PLBD2: variants seen among roughly 807,000 people sequenced by gnomAD.
PLBD2 encodes putative aminopeptidase PLBD2.
A neutral mutation model predicts 68.3 loss-of-function variants in PLBD2; 51 were observed. That is an observed-to-expected ratio of 0.75 (90% CI 0.60 to 0.94). The LOEUF (loss-of-function observed/expected upper bound fraction) is 0.94. Among genes scored for constraint, PLBD2 ranks in the 40% least tolerant of loss-of-function variants. PLBD2 has a pLI of 0.00. For missense variants in PLBD2, 729 were observed against 792.2 expected, an observed-to-expected ratio of 0.92 and a Z score of 0.96; for synonymous variants, 314 against 339.3, an observed-to-expected ratio of 0.93 and a Z score of 0.82.
chr12:113,385,420 C>T, intron 9 of PLBD2, 137 bp downstream of exon 9: 1 of 796,262 alleles, frequency 1.3e-6, no homozygotes, highest in Non-Finnish European at 2.0e-6. Context: ...GCCAGGAGAG[C>T]CCAGACAGTT....
intron 5 of PLBD2, among the ~76,000 whole-genome samples, chr12:113,376,310 C>T (rs1009253474): frequency 1.3e-5 from 2 of 151,352 alleles, no homozygotes; most frequent in African/African-American, 2.4e-5. Context: ...ATTATAGGCG[C>T]GCACCACTGT....
intron 1 of PLBD2, among the ~76,000 whole-genome samples, chr12:113,361,150 G>GC (rs749229304): frequency 6.6e-6 from 1 of 151,880 alleles, no homozygotes; most frequent in Non-Finnish European, 1.5e-5. Context: ...ATCTGTGGGG[G>GC]ACTCTGTGTC....
At chr12:113,383,423 C>T (rs995521843) in intron 6 of PLBD2, among the ~76,000 whole-genome samples, 14 of 152,052 alleles carry the variant, frequency 9.2e-5, no homozygotes, top group South Asian at 2.1e-4. Context: ...GTGGGGAACA[C>T]GTGCCTCAAC....
At chr12:113,386,367 T>A (rs908093363) in intron 9 of PLBD2, among the ~76,000 whole-genome samples, 1 of 142,322 alleles carries the variant, frequency 7.0e-6, no homozygotes, top group Non-Finnish European at 1.5e-5. Context: ...TTTTTTTTTT[T>A]TTTTGAGACG....
intron 5 of PLBD2, among the ~76,000 whole-genome samples, chr12:113,380,378 G>T (rs999667859): frequency 1.3e-5 from 2 of 152,138 alleles, no homozygotes; most frequent in Non-Finnish European, 2.9e-5. Flanking sequence ...CTCGTGATCC[G>T]CCTGCCTTGG....
At chr12:113,386,221 C>T (rs1307045329) in intron 9 of PLBD2, among the ~76,000 whole-genome samples, 2 of 152,238 alleles carry the variant, frequency 1.3e-5, no homozygotes, top group African/African-American at 4.8e-5. Context: ...CAGAGTCTCG[C>T]TCTGTCACCC....
rs750323992 is a variant in PLBD2, at chr12:113,369,086, C to T, written c.291-30C>T. 2.6e-6 allele frequency: 4 copies of T among 1,523,218 alleles called. No individual in the cohort carries two copies. In the East Asian group the frequency reaches 9.5e-5, roughly 36 times the overall value. The allele number at this position is 1,523,218 out of a possible 1,614,324, so 94.4% of individuals were successfully genotyped here. A position where few individuals can be genotyped will look rare whatever the true frequency, so the allele number is the denominator to read the frequency against. Reference sequence around the variant, plus strand: ...TGTGTCTAGCTGGGGGCCTCTGCTGCTGACTGAGTGTCCCCTCCTTCCCCT... The same window carrying T: ...TGTGTCTAGCTGGGGGCCTCTGCTGTTGACTGAGTGTCCCCTCCTTCCCCT... On this transcript the variant is annotated intron_variant, in intron 1 of 11. Transcript: ENST00000280800.
chr12:113,377,863 C>A (rs1957448877), intron 5 of PLBD2, among the ~76,000 whole-genome samples: 1 of 152,320 alleles, frequency 6.6e-6, no homozygotes, highest in Non-Finnish European at 1.5e-5. Flanking sequence ...TAAAAACATA[C>A]TGTATAAGTC....
intron 1 of PLBD2, among the ~76,000 whole-genome samples, chr12:113,360,876 A>T (rs747492903): frequency 6.6e-6 from 1 of 152,032 alleles, no homozygotes; most frequent in African/African-American, 2.4e-5. Context: ...GGCTGGTCTC[A>T]AACTCCTGAC....
In PLBD2 at chr12:113,358,623, ACCCCGGCAGC is replaced by A; in HGVS notation, c.25_34del (p.Pro9ThrfsTer6). The stretch of plus-strand genomic sequence containing the variant: ...GTCATGGTGGGCCAGATGTACTGCT[ACCCCGGCAGC>A]CACCTGGCCCGGGCGCTGACGCGGG... On this transcript the variant is annotated frameshift_variant, in exon 1 of 12. Coordinates refer to ENST00000280800, the MANE Select transcript of PLBD2 (RefSeq NM_173542.4). LOFTEE classifies it high-confidence loss of function. 1 of 1,467,720 alleles carries A rather than the reference ACCCCGGCAGC, an allele frequency of 6.8e-7. No homozygotes were observed. The highest frequency in any genetic ancestry group is 1.3e-5 in the South Asian group (1 of 75,976). 90.9% of individuals were successfully genotyped at this position (1,467,720 alleles called of 1,614,324 possible).
At chr12:113,379,888 C>T (rs1261868135) in intron 5 of PLBD2, among the ~76,000 whole-genome samples, 1 of 152,084 alleles carries the variant, frequency 6.6e-6, no homozygotes. Context: ...TTAACACATA[C>T]ACATATACCC....
intron 6 of PLBD2, among the ~76,000 whole-genome samples, chr12:113,382,032 A>G (rs1318885944): frequency 6.6e-6 from 1 of 152,082 alleles, no homozygotes; most frequent in Non-Finnish European, 1.5e-5. Flanking sequence ...TATATTTCCC[A>G]GGCCAGTCTC....
Position 113,386,926 on chromosome 12 carries a change from G to A in PLBD2, c.1287-11G>A, listed in dbSNP as rs747678431. 3.0e-5 allele frequency: 48 copies of A among 1,612,558 alleles called. No homozygotes were observed. Among genetic ancestry groups the A allele is most frequent in the Non-Finnish European group, 3.8e-5 (45 of 1,179,506 alleles). On this transcript the variant is annotated splice_polypyrimidine_tract_variant and intron_variant, in intron 9 of 11. Transcript: ENST00000280800. Reference sequence around the variant, plus strand: ...GTGGGGGTCATGGGTGACCATCCTTGTCCCCGGCAGGTCCTTCGAGACTGT... The same window carrying A: ...GTGGGGGTCATGGGTGACCATCCTTATCCCCGGCAGGTCCTTCGAGACTGT...
At chr12:113,378,564 G>A (rs1451127272) in intron 5 of PLBD2, among the ~76,000 whole-genome samples, 1 of 151,924 alleles carries the variant, frequency 6.6e-6, no homozygotes, top group Non-Finnish European at 1.5e-5. Flanking sequence ...GTCTCACTGT[G>A]TTGCCCAGGC....
chr12:113,385,125 G>A, intron 8 of PLBD2, 87 bp from the exon 9 acceptor site: 1 of 1,448,938 alleles, frequency 6.9e-7, no homozygotes, highest in Non-Finnish European at 9.6e-7. Flanking sequence ...CAGGCAATGG[G>A]GAGCCATCGG....
chr12:113,386,771 G>A (rs34923008), intron 9 of PLBD2, among the ~76,000 whole-genome samples, 166 bp from the exon 10 acceptor site: 4,086 of 152,212 alleles, frequency 0.027, 88 homozygotes, highest in Middle Eastern at 0.088. Context: ...TGCCCGCCTC[G>A]GCCTCCCAAA....
At position 113,372,939 on chromosome 12, in the gene PLBD2, C is replaced by T. The variant is rs553000173; in HGVS notation, c.543+132C>T. On this transcript the variant is annotated intron_variant, in intron 3 of 11. Coordinates refer to ENST00000280800, the MANE Select transcript of PLBD2 (RefSeq NM_173542.4). The surrounding 1 kb of genome is among the most constrained non-coding windows in gnomAD (Gnocchi z 4.2). ...TCTGTTTCCATCATCATCTCCATCC[C>T]TCCTAGCCGACCTGCCACTCATCCA... is the stretch of plus-strand genomic sequence containing the variant. The T allele has an allele frequency of 2.2e-5, 23 of 1,038,066 alleles. No individual in the cohort carries two copies. The East Asian group carries it at 5.5e-4, about 25-fold the overall frequency. The allele number at this position is 1,038,066 out of a possible 1,614,324, so 64.3% of individuals were successfully genotyped here.
Position 113,386,988 on chromosome 12 carries a change from G to C in PLBD2, c.1338G>C (p.Gln446His), listed in dbSNP as rs1443194129. 1 of 1,613,036 alleles carries C rather than the reference G, an allele frequency of 6.2e-7. No homozygotes were observed. Among genetic ancestry groups the C allele is most frequent in the Non-Finnish European group, 8.5e-7 (1 of 1,179,614 alleles). Reference sequence around the variant, plus strand: ...GTGGGCTGCAGGCCCTAGTGGCCCAGTATGGGGACTGGTTTTCTTATGACG... The same window carrying C: ...GTGGGCTGCAGGCCCTAGTGGCCCACTATGGGGACTGGTTTTCTTATGACG... ...NASGLQALVA[Q>H]YGDWFSYDGS... The change falls in exon 10 of 12, where the codon CAG (glutamine) becomes CAC (histidine). Residue 446 changes from glutamine (Q) to histidine (H), a missense_variant. Transcript: ENST00000280800.
rs1593295294 is a variant in PLBD2 at position 113,390,740 on chromosome 12, A to G, written c.*2114A>G. The G allele has an allele frequency of 1.3e-5, 2 of 151,468 alleles. No homozygotes were observed. The highest frequency in any genetic ancestry group is 6.6e-5 in the Admixed American group (1 of 15,198). The allele number at this position is 151,468 out of a possible 1,614,324, so 9.4% of individuals were successfully genotyped here. ...CATCTACCCACTCACCCATCCATCC[A>G]TCCTTCCAACCATTTATCCACCCAT... On this transcript the variant is annotated 3_prime_UTR_variant, in exon 12 of 12. Coordinates refer to ENST00000280800, the MANE Select transcript of PLBD2 (RefSeq NM_173542.4).
Sources: gnomAD v4.1 joint callset for allele counts (sites outside exome capture counted in the v4.1 genomes callset) on GRCh38, gnomAD v4.1.1 for gene constraint, Gnocchi (gnomAD v3.1) non-coding constraint, MANE v1.5 for transcripts, NCBI Gene and HGNC (gene_info 2026-07-23, HGNC 2026-07-21) for gene names.